The following STAMBP variants were observed in gnomAD, a reference collection of about 807,000 sequenced individuals.
STAMBP encodes the protein STAM-binding protein.
In STAMBP, 31 loss-of-function variants were observed where a neutral mutation model predicts 50.7. That is an observed-to-expected ratio of 0.61 (90% CI 0.46 to 0.83). The LOEUF (loss-of-function observed/expected upper bound fraction) is 0.83. Ranked by LOEUF, STAMBP falls within the 40% of genes least tolerant of loss-of-function variation. STAMBP has a pLI of 0.00. For synonymous variants in STAMBP, 211 were observed against 192.4 expected (o/e 1.10, Z -0.80); for missense variants, 472 against 518.9 (o/e 0.91, Z 0.88).
intron 5 of STAMBP, 84 bp downstream of exon 5, chr2:73,847,837 C>T: frequency 6.7e-7 from 1 of 1,492,444 alleles, no homozygotes; most frequent in Non-Finnish European, 9.0e-7. Flanking sequence ...AGATTACCTC[C>T]CTGATCCCAC....
chr2:73,847,231 G>C (rs1407322099), intron 4 of STAMBP, among the ~76,000 whole-genome samples, 156 bp from the exon 5 acceptor site: 1 of 152,152 alleles, frequency 6.6e-6, no homozygotes, highest in African/African-American at 2.4e-5. Context: ...ACACTCCGTG[G>C]GTATAAAGAT....
At position 73,850,188 on chromosome 2, in the gene STAMBP, C is replaced by T. The variant is rs1007638019; in HGVS notation, c.868-188C>T. ...TTCTGGGGTTGGTCTCTGCATCTGT[C>T]GCTGTACAGAGTACCCCAGGCAATG... is the stretch of plus-strand genomic sequence containing the variant. On this transcript the variant is annotated intron_variant, in intron 6 of 9. Transcript: ENST00000394070. The surrounding 1 kb of genome is among the most constrained non-coding windows in gnomAD (Gnocchi z 4.3). Among the ~76,000 whole-genome samples the T allele has an allele frequency of 1.3e-5, 2 of 152,152 alleles. No individual in the cohort carries two copies. Among genetic ancestry groups the T allele is most frequent in the Admixed American group, 6.5e-5 (1 of 15,284 alleles).
intron 9 of STAMBP, among the ~76,000 whole-genome samples, chr2:73,861,958 C>T (rs946151291): frequency 1.1e-4 from 16 of 152,076 alleles, no homozygotes; most frequent in Admixed American, 8.5e-4. Context: ...ACCAACATGG[C>T]GAAACCCCAC....
intron 4 of STAMBP, among the ~76,000 whole-genome samples, chr2:73,847,018 G>A (rs1212711936): frequency 1.3e-5 from 2 of 151,344 alleles, no homozygotes. Flanking sequence ...GGAGGTCAAG[G>A]CTGCAGTGAG....
intron 2 of STAMBP, among the ~76,000 whole-genome samples, chr2:73,843,151 C>A (rs1558569632): frequency 2.1e-5 from 3 of 143,720 alleles, no homozygotes; most frequent in African/African-American, 7.7e-5. Flanking sequence ...ATCTGTATTT[C>A]TTTTAAATAT....
chr2:73,870,031 G>T (rs1025503155), downstream of STAMBP: 2 of 152,192 alleles, frequency 1.3e-5, no homozygotes, highest in Admixed American at 6.5e-5. Flanking sequence ...AGAATTATGG[G>T]ATGACTGTTC....
At position 73,847,383 on chromosome 2, in the gene STAMBP, G is replaced by T. The variant is rs115370242; in HGVS notation, c.376-4G>T. On this transcript the variant is annotated splice_polypyrimidine_tract_variant and splice_region_variant and intron_variant, in intron 4 of 9. Coordinates refer to ENST00000394070, the MANE Select transcript of STAMBP (RefSeq NM_213622.4). ...GTGTTAGCCTAAATTTTCTCTCTTT[G>T]TAGAAGAAGGAAGCAGAGGAATTGG... 5.0e-6 allele frequency: 8 copies of T among 1,591,112 alleles called. No individual in the cohort carries two copies. The highest frequency in any genetic ancestry group is 5.1e-6 in the Non-Finnish European group (6 of 1,167,758).
chr2:73,873,311 G>A (rs540584920), intron 10 of STAMBP: 1 of 152,226 alleles, frequency 6.6e-6, no homozygotes, highest in Non-Finnish European at 1.5e-5. Flanking sequence ...AAGATATGAG[G>A]CGCTTAACTT....
At chr2:73,868,876 C>T (rs1441261480), downstream of STAMBP, among the ~76,000 whole-genome samples, 2 of 146,496 alleles carry the variant, frequency 1.4e-5, no homozygotes, top group Admixed American at 6.8e-5. Context: ...GGCCTTGACT[C>T]AAAAAAAGAA....
chr2:73,855,919 A>G (rs1677494793), intron 7 of STAMBP, among the ~76,000 whole-genome samples: 1 of 152,220 alleles, frequency 6.6e-6, no homozygotes, highest in African/African-American at 2.4e-5. Context: ...TGAAAACGCT[A>G]GTCAATTGCA....
chr2:73,842,741 C>A (rs1675556535), intron 2 of STAMBP, among the ~76,000 whole-genome samples: 1 of 152,106 alleles, frequency 6.6e-6, no homozygotes, highest in Non-Finnish European at 1.5e-5. Flanking sequence ...TAAGGACTTA[C>A]TGTGTATATG....
In STAMBP at chr2:73,847,537, A is replaced by G; in HGVS notation, c.526A>G (p.Lys176Glu). The G allele has an allele frequency of 1.2e-6, 2 of 1,614,196 alleles. No individual in the cohort carries two copies. Among genetic ancestry groups the G allele is most frequent in the Middle Eastern group, 1.6e-4 (1 of 6,062 alleles). Residue 176 changes from lysine to glutamate, a missense_variant, in exon 5 of 10, where the codon AAA becomes GAA. Transcript: ENST00000394070. The stretch of plus-strand genomic sequence containing the variant: ...GATGATCCGGAACCAGGAGCTAGAA[A>G]AAGAGCGACTGAAAATTGTACAGGA... ...EEMIRNQELE[K>E]ERLKIVQEFG... is the part of the protein sequence containing the mutation.
In STAMBP at chr2:73,859,244, C is replaced by G; in HGVS notation, c.1006-10C>G. On this transcript the variant is annotated splice_polypyrimidine_tract_variant and intron_variant, in intron 7 of 9. Transcript: ENST00000394070. ...CGCTAAGAGTCCTCTGACTCTTTTT[C>G]TCTCCTCAGACTCACCCCACACAGA... 6.2e-7 allele frequency: 1 copy of G among 1,610,260 alleles called. No homozygotes were observed.
intron 2 of STAMBP, among the ~76,000 whole-genome samples, chr2:73,841,450 T>C (rs886254917): frequency 5.3e-5 from 8 of 152,218 alleles, no homozygotes; most frequent in Non-Finnish European, 8.8e-5. Context: ...TATTATCTCT[T>C]TAAGTGTCAC....
At position 73,844,891 on chromosome 2, in the gene STAMBP, G is replaced by A. The variant is rs1280372755; in HGVS notation, c.279+3G>A. The A allele has an allele frequency of 6.2e-7, 1 of 1,613,358 alleles. No individual in the cohort carries two copies. Among genetic ancestry groups the A allele is most frequent in the Admixed American group, 1.7e-5 (1 of 59,946 alleles). On this transcript the variant is annotated splice_donor_region_variant and intron_variant, in intron 3 of 9. Transcript: ENST00000394070. ...CTGAAAAGAAAGACACAGTAAAGGTGGGTCTTCACTTTCATTGTTGCCCAT... is the reference window on the plus strand; with the variant it reads ...CTGAAAAGAAAGACACAGTAAAGGTAGGTCTTCACTTTCATTGTTGCCCAT...
In STAMBP at chr2:73,850,940, AC is replaced by A. The variant is rs2094875453; in HGVS notation, c.1005+429del. ...GCTTGCATTTGGTCTTTCTTAAAGCACCTTTATATAAACAAGAAGGGCTATA... is the reference window on the plus strand; with the variant it reads ...GCTTGCATTTGGTCTTTCTTAAAGCACTTTATATAAACAAGAAGGGCTATA... On this transcript the variant is annotated intron_variant, in intron 7 of 9. Coordinates refer to ENST00000394070, the MANE Select transcript of STAMBP (RefSeq NM_213622.4). The surrounding 1 kb of genome is among the most constrained non-coding windows in gnomAD (Gnocchi z 4.3). Among the ~76,000 whole-genome samples, 1 of 152,244 alleles carries A rather than the reference AC, an allele frequency of 6.6e-6. No homozygotes were observed. Among genetic ancestry groups the A allele is most frequent in the South Asian group, 2.1e-4 (1 of 4,832 alleles).
chr2:73,834,823 G>C (rs1274090126), intron 2 of STAMBP, among the ~76,000 whole-genome samples: 1 of 152,162 alleles, frequency 6.6e-6, no homozygotes, highest in Non-Finnish European at 1.5e-5. Flanking sequence ...TTAAAACACA[G>C]GTAACTATGT....
At chr2:73,835,534 C>T (rs1407214071) in intron 2 of STAMBP, among the ~76,000 whole-genome samples, 4 of 151,882 alleles carry the variant, frequency 2.6e-5, no homozygotes, top group Non-Finnish European at 4.4e-5. Context: ...GTGGAGCAAG[C>T]GTTAAGAGAA....
chr2:73,861,309 G>A (rs920172899), intron 9 of STAMBP, among the ~76,000 whole-genome samples: 7 of 152,026 alleles, frequency 4.6e-5, no homozygotes, highest in Admixed American at 2.6e-4. Flanking sequence ...CCAAGTTTAG[G>A]AATCAAAGAA....
Sources: gnomAD v4.1 joint callset for allele counts (sites outside exome capture counted in the v4.1 genomes callset) on GRCh38, gnomAD v4.1.1 for gene constraint, Gnocchi (gnomAD v3.1) non-coding constraint, MANE v1.5 for transcripts, NCBI Gene and HGNC (gene_info 2026-07-23, HGNC 2026-07-21) for gene names.